Variants in TBC1D22A observed in about 807,000 individuals in gnomAD.
TBC1D22A encodes the protein putative GTPase activator.
In TBC1D22A, 38 loss-of-function variants were observed where a neutral mutation model predicts 60.2. The observed-to-expected ratio is 0.63, with a 90% CI of 0.49 to 0.83. TBC1D22A has a LOEUF of 0.83. TBC1D22A is among the 40% of genes least tolerant of loss of function. The pLI is 0.00. For synonymous variants in TBC1D22A, 302 were observed against 281.7 expected (o/e 1.07, Z -0.72); for missense variants, 628 against 701.0 (o/e 0.90, Z 1.18).
chr22:47,056,220 T>A (rs2063389222), intron 11 of TBC1D22A, among the ~76,000 whole-genome samples: 1 of 151,998 alleles, frequency 6.6e-6, no homozygotes, highest in Admixed American at 6.5e-5. Context: ...CCAGCCGTGG[T>A]GTAGACTGCT....
intron 12 of TBC1D22A, among the ~76,000 whole-genome samples, chr22:47,168,594 G>A (rs1287096542): frequency 2.0e-5 from 3 of 152,144 alleles, no homozygotes; most frequent in East Asian, 1.9e-4. Flanking sequence ...TGCTTCCCTC[G>A]CTGCTGCCCG....
At position 47,096,339 on chromosome 22, in the gene TBC1D22A, A is replaced by AT. The variant is rs751254063; in HGVS notation, c.1330-15163dup. On this transcript the variant is annotated intron_variant, in intron 11 of 12. Coordinates refer to ENST00000337137, the MANE Select transcript of TBC1D22A (RefSeq NM_014346.5). ...TGATCCACTGCGCTGAATGCCCCAG[A>AT]TTTTTTCTCTTGTGGATTCTTTGGA... Among the ~76,000 whole-genome samples, 5 of 152,128 alleles carry AT rather than the reference A, an allele frequency of 3.3e-5. No homozygotes were observed. The East Asian group carries it at 7.7e-4, about 24-fold the overall frequency.
Position 46,912,086 on chromosome 22 carries a change from A to ATCTT in TBC1D22A, c.914_917dup (p.Leu306PhefsTer20), listed in dbSNP as rs746668887. On this transcript the variant is annotated frameshift_variant, in exon 8 of 13. Transcript: ENST00000337137. LOFTEE classifies it high-confidence loss of function. ...CATTTTCTTTCAGATTTTTGAAAGG[A>ATCTT]TCTTGTTCATATGGGCGATCCGCCA... The ATCTT allele has an allele frequency of 4.3e-6, 7 of 1,612,912 alleles. No homozygotes were observed. Among genetic ancestry groups the ATCTT allele is most frequent in the Non-Finnish European group, 5.9e-6 (7 of 1,179,672 alleles).
rs1268847132 is a variant in TBC1D22A at position 46,974,413 on chromosome 22, C to T, written c.1125+14C>T. 1.9e-6 allele frequency: 3 copies of T among 1,597,362 alleles called. No homozygotes were observed. The highest frequency in any genetic ancestry group is 1.1e-5 in the South Asian group (1 of 88,544). ...GATGGCATTCAGGTGAGCGCCCGCG[C>T]CCACGGGACACAGCCCACGCCCACA... On this transcript the variant is annotated intron_variant, in intron 9 of 12. Transcript: ENST00000337137.
At chr22:47,146,786 T>C (rs2067301118) in intron 12 of TBC1D22A, among the ~76,000 whole-genome samples, 1 of 152,214 alleles carries the variant, frequency 6.6e-6, no homozygotes, top group African/African-American at 2.4e-5. Flanking sequence ...ACGCCAGGGC[T>C]GGGGGATCTT....
At chr22:46,918,261 GGA>G (rs2070515212) in intron 8 of TBC1D22A, among the ~76,000 whole-genome samples, 1 of 152,222 alleles carries the variant, frequency 6.6e-6, no homozygotes, top group Non-Finnish European at 1.5e-5. Flanking sequence ...TCCTAGGTTT[GGA>G]GAGAGGGAGA....
At chr22:46,883,319 TATG>T (rs745536358) in intron 5 of TBC1D22A, among the ~76,000 whole-genome samples, 7 of 152,258 alleles carry the variant, frequency 4.6e-5, no homozygotes, top group Non-Finnish European at 7.3e-5. Flanking sequence ...GTTTTACATT[TATG>T]ATGAGTGTTT....
chr22:46,815,094 C>G (rs1361784104), intron 4 of TBC1D22A, among the ~76,000 whole-genome samples: 1 of 152,194 alleles, frequency 6.6e-6, no homozygotes, highest in Non-Finnish European at 1.5e-5. Context: ...TGAAGACATT[C>G]TATTATTTGG....
intron 9 of TBC1D22A, among the ~76,000 whole-genome samples, chr22:46,978,827 T>G (rs1426453395): frequency 6.6e-6 from 1 of 152,080 alleles, no homozygotes; most frequent in African/African-American, 2.4e-5. Flanking sequence ...CAGGCTGGTC[T>G]CAAACTCCTG....
chr22:47,075,747 AAGAC>A (rs2064179084), intron 11 of TBC1D22A, among the ~76,000 whole-genome samples: 2 of 152,204 alleles, frequency 1.3e-5, no homozygotes, highest in Admixed American at 1.3e-4. Flanking sequence ...TGCCAGTTAA[AAGAC>A]AGTGATTTTT....
intron 4 of TBC1D22A, among the ~76,000 whole-genome samples, chr22:46,816,566 C>T (rs2085609906): frequency 1.3e-5 from 2 of 152,182 alleles, no homozygotes. Flanking sequence ...TTTATTGGGG[C>T]ACATTGTGTG....
At chr22:47,105,309 TG>T (rs2065593720) in intron 11 of TBC1D22A, among the ~76,000 whole-genome samples, 2 of 152,186 alleles carry the variant, frequency 1.3e-5, no homozygotes, top group African/African-American at 4.8e-5. Context: ...AAGACCCTCC[TG>T]TTTTTGGTAT....
intron 8 of TBC1D22A, among the ~76,000 whole-genome samples, chr22:46,929,654 G>A (rs1436655855): frequency 6.6e-6 from 1 of 152,130 alleles, no homozygotes; most frequent in Non-Finnish European, 1.5e-5. Flanking sequence ...TCAACCTCAA[G>A]GTACCTTATT....
intron 11 of TBC1D22A, among the ~76,000 whole-genome samples, chr22:47,068,840 A>T (rs969678494): frequency 2.6e-5 from 4 of 152,222 alleles, no homozygotes; most frequent in Admixed American, 6.5e-5. Flanking sequence ...CCATTAATTA[A>T]TTCCCCATCA....
chr22:47,035,650 CAGTG>C (rs1692699597), intron 10 of TBC1D22A, among the ~76,000 whole-genome samples: 1 of 152,126 alleles, frequency 6.6e-6, no homozygotes, highest in South Asian at 2.1e-4. Flanking sequence ...AGGAGGGTGA[CAGTG>C]AGGGCAGAGA....
chr22:47,083,303 A>C (rs1479814835), intron 11 of TBC1D22A, among the ~76,000 whole-genome samples: 3 of 152,212 alleles, frequency 2.0e-5, no homozygotes, highest in East Asian at 3.9e-4. Flanking sequence ...TCCGAAAAAA[A>C]CTATTAAAAT....
At chr22:47,024,536 T>C (rs2062190883) in intron 10 of TBC1D22A, among the ~76,000 whole-genome samples, 1 of 152,076 alleles carries the variant, frequency 6.6e-6, no homozygotes, top group African/African-American at 2.4e-5. Context: ...CTGCAGGGGT[T>C]CCTTTCAGGT....
intron 10 of TBC1D22A, among the ~76,000 whole-genome samples, chr22:47,014,664 G>A (rs1181767563): frequency 6.6e-6 from 1 of 152,246 alleles, no homozygotes; most frequent in African/African-American, 2.4e-5. Flanking sequence ...TGCTGAGGCT[G>A]AGAGGGGACT....
chr22:46,893,004 G>T lies in TBC1D22A; in HGVS notation c.837+1610G>T, dbSNP rs1233551341. Reference sequence around the variant, plus strand: ...GCCATTTCAGGCAGAGCTGGGCCCGGTGGGGGTTTGGAGACCTTGGTTTCT... The same window carrying T: ...GCCATTTCAGGCAGAGCTGGGCCCGTTGGGGGTTTGGAGACCTTGGTTTCT... On this transcript the variant is annotated intron_variant, in intron 6 of 12. Coordinates refer to ENST00000337137, the MANE Select transcript of TBC1D22A (RefSeq NM_014346.5). Among the ~76,000 whole-genome samples, 9 of 152,350 alleles carry T rather than the reference G, an allele frequency of 5.9e-5. 1 individual carries two copies. The East Asian group carries it at 1.4e-3, about 23-fold the overall frequency.
Sources: allele counts gnomAD v4.1 joint callset (sites outside exome capture counted in the v4.1 genomes callset), GRCh38; gene constraint gnomAD v4.1.1; transcripts MANE v1.5; gene names NCBI Gene and HGNC (gene_info 2026-07-23, HGNC 2026-07-21).